Variants in AGO2 observed in about 807,000 individuals in gnomAD.
The protein encoded by AGO2 is argonaute RISC catalytic component 2, also known as protein argonaute-2.
In AGO2, 5 loss-of-function variants were observed where a neutral mutation model predicts 102.3. The ratio of observed to expected loss-of-function variants is 0.05; its 90% CI spans 0.03 to 0.10. AGO2 has a LOEUF of 0.10. AGO2 is among the 10% of genes least tolerant of loss of function. The probability of loss-of-function intolerance (pLI) is 1.00; values close to 1 mark genes in which losing one functional copy is unlikely to be tolerated. For missense variants in AGO2, 541 were observed against 1,183.7 expected, an observed-to-expected ratio of 0.46 and a Z score of 7.97; for synonymous variants, 449 against 473.1, an observed-to-expected ratio of 0.95 and a Z score of 0.66.
chr8:140,552,229 C>T (rs1222212290), intron 10 of AGO2, among the ~76,000 whole-genome samples: 2 of 152,222 alleles, frequency 1.3e-5, no homozygotes, highest in African/African-American at 2.4e-5. Context: ...ACTCAGCATG[C>T]CACTGCCTGC....
intron 1 of AGO2, among the ~76,000 whole-genome samples, chr8:140,627,674 G>A (rs1183585952): frequency 2.0e-5 from 3 of 152,174 alleles, no homozygotes; most frequent in Non-Finnish European, 4.4e-5. Flanking sequence ...CTTAAAAACA[G>A]GTATTGGCCG....
In AGO2 at chr8:140,562,626, C is replaced by T; in HGVS notation, c.345G>A (p.Leu115=). The change falls in exon 4 of 19, where the codon CTG becomes CTA. Residue 115 remains leucine, a synonymous_variant. Transcript: ENST00000220592. ...PLPIGRDKVE[L]EVTLPGEGKD... ...TGCCTTCTCCTGGCAGCGTGACCTCCAGCTCCACCTGCGAGGATCCAAGGC... is the reference window on the plus strand; with the variant it reads ...TGCCTTCTCCTGGCAGCGTGACCTCTAGCTCCACCTGCGAGGATCCAAGGC... The T allele has an allele frequency of 6.2e-7, 1 of 1,613,484 alleles. No individual in the cohort carries two copies. The highest frequency in any genetic ancestry group is 8.5e-7 in the Non-Finnish European group (1 of 1,179,824).
At chr8:140,606,403 T>C (rs1348679861) in intron 1 of AGO2, among the ~76,000 whole-genome samples, 1 of 152,228 alleles carries the variant, frequency 6.6e-6, no homozygotes, top group African/African-American at 2.4e-5. Context: ...ACAAATCCAT[T>C]TTTTTCCTAA....
intron 1 of AGO2, among the ~76,000 whole-genome samples, chr8:140,595,979 A>G (rs1333091601): frequency 7.9e-6 from 1 of 126,772 alleles, no homozygotes; most frequent in Non-Finnish European, 1.6e-5. Flanking sequence ...TATATATATT[A>G]TATAATATAT....
intron 8 of AGO2, 128 bp downstream of exon 8, chr8:140,556,961 C>T (rs548526624): frequency 1.5e-6 from 2 of 1,355,468 alleles, no homozygotes; most frequent in South Asian, 1.4e-5. Context: ...CACCCGCATT[C>T]CTGCAGCAGC....
chr8:140,560,305 A>C, intron 5 of AGO2, 69 bp downstream of exon 5: 1 of 1,568,430 alleles, frequency 6.4e-7, no homozygotes. Context: ...CCACCCCCCG[A>C]CCGGGGTCCT....
At chr8:140,575,048 C>T (rs992182474) in intron 2 of AGO2, among the ~76,000 whole-genome samples, 1 of 152,134 alleles carries the variant, frequency 6.6e-6, no homozygotes, top group Non-Finnish European at 1.5e-5. Context: ...TCAACACCTG[C>T]GGTCTGGGGA....
At chr8:140,583,060 G>A (rs934223168) in intron 2 of AGO2, among the ~76,000 whole-genome samples, 3 of 152,200 alleles carry the variant, frequency 2.0e-5, no homozygotes, top group African/African-American at 7.2e-5. Flanking sequence ...CCAATCAGCT[G>A]GGGACACAGA....
At chr8:140,547,385 G>T in intron 13 of AGO2, 83 bp downstream of exon 13, 1 of 1,529,564 alleles carries the variant, frequency 6.5e-7, no homozygotes, top group Non-Finnish European at 8.8e-7. Context: ...CTGCCCCCCT[G>T]CCCCCTGCAT....
Position 140,607,472 on chromosome 8 carries a change from A to G in AGO2, c.23-22161T>C, listed in dbSNP as rs1336054334. On this transcript the variant is annotated intron_variant, in intron 1 of 18. Transcript: ENST00000220592. ...TTAAAGAAAAATTATATATATATAT[A>G]TATATATATATATATATATATATAT... Among the ~76,000 whole-genome samples, 38 of 13,332 alleles carry G rather than the reference A, an allele frequency of 2.9e-3. 1 individual carries two copies. The highest frequency in any genetic ancestry group is 7.8e-3 in the South Asian group (3 of 386). 8.7% of individuals were successfully genotyped at this position (13,332 alleles called of 152,430 possible). A position where few individuals can be genotyped will look rare whatever the true frequency, so the allele number is the denominator to read the frequency against.
At chr8:140,562,300 C>A (rs1007466667) in intron 4 of AGO2, among the ~76,000 whole-genome samples, 153 bp downstream of exon 4, 2 of 152,258 alleles carry the variant, frequency 1.3e-5, no homozygotes, top group African/African-American at 4.8e-5. Context: ...CACCTTAGCA[C>A]CATTTGTGTT....
chr8:140,625,883 G>A (rs575271381), intron 1 of AGO2, among the ~76,000 whole-genome samples: 20 of 152,338 alleles, frequency 1.3e-4, no homozygotes, highest in African/African-American at 2.2e-4. Context: ...ATGAGTGAGC[G>A]TCTCAGCACT....
chr8:140,634,705 G>A (rs548098689), intron 1 of AGO2, among the ~76,000 whole-genome samples: 10 of 152,222 alleles, frequency 6.6e-5, no homozygotes, highest in Non-Finnish European at 1.3e-4. Context: ...ACCTCTCCTA[G>A]GAAATTGTAA....
intron 1 of AGO2, among the ~76,000 whole-genome samples, chr8:140,624,113 T>C (rs941461876): frequency 3.9e-5 from 6 of 152,076 alleles, no homozygotes; most frequent in African/African-American, 1.4e-4. Context: ...AGCTTGTCCA[T>C]AACAGACACT....
At chr8:140,624,278 T>C (rs2074249200) in intron 1 of AGO2, among the ~76,000 whole-genome samples, 1 of 152,022 alleles carries the variant, frequency 6.6e-6, no homozygotes. Context: ...GCCCCCTGCC[T>C]TCAAGCACAC....
At chr8:140,550,690 C>T (rs1439227718) in intron 11 of AGO2, among the ~76,000 whole-genome samples, 1 of 152,142 alleles carries the variant, frequency 6.6e-6, no homozygotes, top group Non-Finnish European at 1.5e-5. Context: ...GATCTAGGCT[C>T]ACTGCAACCT....
chr8:140,578,819 G>A (rs1346502024), intron 2 of AGO2, among the ~76,000 whole-genome samples: 4 of 152,248 alleles, frequency 2.6e-5, no homozygotes, highest in South Asian at 2.1e-4. Context: ...CACCCCGCAC[G>A]GGGCCGGGGC....
At chr8:140,555,796 G>C in intron 10 of AGO2, 100 bp downstream of exon 10, 1 of 1,457,064 alleles carries the variant, frequency 6.9e-7, no homozygotes, top group Non-Finnish European at 9.1e-7. Context: ...CTCCTGCATG[G>C]AACACAGTCT....
At chr8:140,543,857 T>C (rs923921489) in intron 14 of AGO2, among the ~76,000 whole-genome samples, 1 of 152,210 alleles carries the variant, frequency 6.6e-6, no homozygotes, top group African/African-American at 2.4e-5. Flanking sequence ...GGTTCGGGGC[T>C]GTGTCCAAGG....
Sources: allele counts gnomAD v4.1 joint callset (sites outside exome capture counted in the v4.1 genomes callset), GRCh38; gene constraint gnomAD v4.1.1; transcripts MANE v1.5; gene names NCBI Gene and HGNC (gene_info 2026-07-23, HGNC 2026-07-21).